RALGPS2: variants seen among roughly 807,000 people sequenced by gnomAD.
RALGPS2 encodes Ral GEF with PH domain and SH3 binding motif 2.
In RALGPS2, 43 loss-of-function variants were observed where a neutral mutation model predicts 86.8. The ratio of observed to expected loss-of-function variants is 0.50; its 90% CI spans 0.39 to 0.64. The LOEUF is 0.64. Ranked by LOEUF, RALGPS2 falls within the 30% of genes least tolerant of loss-of-function variation. The pLI is 0.00. For missense variants in RALGPS2, 536 were observed against 694.6 expected, an observed-to-expected ratio of 0.77 and a Z score of 2.57; for synonymous variants, 243 against 231.3, an observed-to-expected ratio of 1.05 and a Z score of -0.46.
At chr1:178,910,814 C>T (rs980192675) in intron 19 of RALGPS2, among the ~76,000 whole-genome samples, 2 of 151,986 alleles carry the variant, frequency 1.3e-5, no homozygotes, top group South Asian at 2.1e-4. Context: ...CTCGATTTTT[C>T]GGAATATTTT....
At chr1:178,809,088 G>A (rs372156780) in intron 5 of RALGPS2, among the ~76,000 whole-genome samples, 5 of 151,956 alleles carry the variant, frequency 3.3e-5, no homozygotes, top group East Asian at 1.9e-4. Flanking sequence ...GGCCTCAAGC[G>A]ATCCTCCTGC....
At chr1:178,757,064 C>T (rs750474652) in intron 1 of RALGPS2, among the ~76,000 whole-genome samples, 1 of 152,092 alleles carries the variant, frequency 6.6e-6, no homozygotes, top group Non-Finnish European at 1.5e-5. Flanking sequence ...GTTGTTGATT[C>T]TATTGTAAAT....
At chr1:178,838,405 C>G (rs1656395142) in intron 8 of RALGPS2, among the ~76,000 whole-genome samples, 1 of 152,172 alleles carries the variant, frequency 6.6e-6, no homozygotes, top group East Asian at 1.9e-4. Context: ...CTGATATCCC[C>G]ACAAACAGGG....
chr1:178,878,263 A>G (rs753343218), intron 9 of RALGPS2, among the ~76,000 whole-genome samples: 13 of 152,172 alleles, frequency 8.5e-5, no homozygotes, highest in Non-Finnish European at 1.6e-4. Flanking sequence ...TTGATAGGAA[A>G]TAAAGTTAGG....
intron 4 of RALGPS2, among the ~76,000 whole-genome samples, chr1:178,803,032 A>G (rs1296507838): frequency 2.0e-5 from 3 of 152,186 alleles, no homozygotes; most frequent in South Asian, 2.1e-4. Flanking sequence ...TCAAGGGTCA[A>G]CTATGTACCT....
At chr1:178,894,288 T>C (rs1659844209) in intron 16 of RALGPS2, 1 of 248,628 alleles carries the variant, frequency 4.0e-6, no homozygotes, top group Non-Finnish European at 7.6e-6. Context: ...TATAATACCT[T>C]TTCTATCTTA....
intron 15 of RALGPS2, 94 bp downstream of exon 15, chr1:178,892,401 C>T: frequency 9.9e-7 from 1 of 1,005,554 alleles, no homozygotes; most frequent in South Asian, 1.6e-5. Flanking sequence ...TCTTTTCTTT[C>T]TCAACTAATT....
intron 8 of RALGPS2, among the ~76,000 whole-genome samples, chr1:178,866,379 C>T (rs923558485): frequency 6.6e-6 from 1 of 151,936 alleles, no homozygotes; most frequent in Non-Finnish European, 1.5e-5. Flanking sequence ...AAATCTAAAC[C>T]CAGATAGTTT....
chr1:178,747,033 A>G, intron 1 of RALGPS2: 1 of 889,620 alleles, frequency 1.1e-6, no homozygotes, highest in East Asian at 2.4e-5. Context: ...CTTCTGTTAT[A>G]GCCATGTATG....
chr1:178,896,291 T>C (rs559663178), intron 16 of RALGPS2, among the ~76,000 whole-genome samples: 2 of 152,032 alleles, frequency 1.3e-5, no homozygotes, highest in East Asian at 1.9e-4. Flanking sequence ...CAAGAAGTTA[T>C]GCTGTGAAAA....
chr1:178,818,382 G>A (rs1655336480), intron 6 of RALGPS2, among the ~76,000 whole-genome samples: 1 of 151,970 alleles, frequency 6.6e-6, no homozygotes, highest in African/African-American at 2.4e-5. Context: ...AGAGAGAGAA[G>A]CTGATTTTTC....
intron 1 of RALGPS2, among the ~76,000 whole-genome samples, chr1:178,754,925 G>A (rs1238268421): frequency 6.6e-6 from 1 of 152,066 alleles, no homozygotes; most frequent in Admixed American, 6.5e-5. Flanking sequence ...TCAGCCTCCC[G>A]AGTAGCTGGA....
chr1:178,791,112 A>G (rs1317426015), intron 4 of RALGPS2, among the ~76,000 whole-genome samples: 1 of 152,026 alleles, frequency 6.6e-6, no homozygotes, highest in African/African-American at 2.4e-5. Flanking sequence ...AAAGATCTTC[A>G]GTGTATTTTG....
At chr1:178,839,837 CA>C (rs965744603) in intron 8 of RALGPS2, among the ~76,000 whole-genome samples, 1 of 151,342 alleles carries the variant, frequency 6.6e-6, no homozygotes, top group Non-Finnish European at 1.5e-5. Flanking sequence ...AAATGGAAAA[CA>C]AAAAAAGGGG....
chr1:178,857,029 A>G (rs1307795387), intron 8 of RALGPS2, among the ~76,000 whole-genome samples: 2 of 152,174 alleles, frequency 1.3e-5, no homozygotes, highest in African/African-American at 2.4e-5. Context: ...GCTACTTCAC[A>G]TTATAGAAAC....
At chr1:178,783,434 A>G (rs1424578002) in intron 2 of RALGPS2, among the ~76,000 whole-genome samples, 6 of 152,202 alleles carry the variant, frequency 3.9e-5, no homozygotes, top group African/African-American at 7.2e-5. Flanking sequence ...AGAAAGAAGC[A>G]GAAGAAATAT....
chr1:178,796,005 T>C (rs1186369686), intron 4 of RALGPS2, among the ~76,000 whole-genome samples: 3 of 152,154 alleles, frequency 2.0e-5, no homozygotes, highest in South Asian at 4.1e-4. Flanking sequence ...AATAAACCAA[T>C]TGCTGTGTTA....
At chr1:178,803,609 A>C (rs1654588725) in intron 4 of RALGPS2, among the ~76,000 whole-genome samples, 1 of 152,118 alleles carries the variant, frequency 6.6e-6, no homozygotes, top group South Asian at 2.1e-4. Context: ...CTTTTTTTAC[A>C]GGGAGATAAT....
chr1:178,795,675 A>G (rs1654155822), intron 4 of RALGPS2, among the ~76,000 whole-genome samples: 1 of 152,146 alleles, frequency 6.6e-6, no homozygotes, highest in African/African-American at 2.4e-5. Flanking sequence ...CAGCCTCCCA[A>G]AGTGCTGGAT....
Sources: gnomAD v4.1 joint callset for allele counts (sites outside exome capture counted in the v4.1 genomes callset) on GRCh38, gnomAD v4.1.1 for gene constraint, MANE v1.5 for transcripts, NCBI Gene and HGNC (gene_info 2026-07-23, HGNC 2026-07-21) for gene names.